The following PLCH1 variants were observed in gnomAD, a reference collection of about 807,000 sequenced individuals.
The protein encoded by PLCH1 is phospholipase C eta 1, also known as 1-phosphatidylinositol 4,5-bisphosphate phosphodiesterase eta-1.
In PLCH1, 60 loss-of-function variants were observed where a neutral mutation model predicts 126.7. The ratio of observed to expected loss-of-function variants is 0.47; its 90% CI spans 0.38 to 0.59. PLCH1 has a LOEUF of 0.59. Ranked by LOEUF, PLCH1 falls within the 20% of genes least tolerant of loss-of-function variation. The probability of loss-of-function intolerance (pLI) is 0.00; values close to 1 mark genes in which losing one functional copy is unlikely to be tolerated. For synonymous variants in PLCH1, 719 were observed against 734.9 expected (o/e 0.98, Z 0.35); for missense variants, 1,723 against 2,040.0 (o/e 0.84, Z 2.99).
chr3:155,566,655 A>G (rs1728579814), intron 7 of PLCH1, among the ~76,000 whole-genome samples: 1 of 151,788 alleles, frequency 6.6e-6, no homozygotes, highest in African/African-American at 2.4e-5. Flanking sequence ...GTTTGAAAAA[A>G]TGCTGCTAAT....
intron 21 of PLCH1, among the ~76,000 whole-genome samples, chr3:155,456,360 A>G (rs1169399377): frequency 1.3e-5 from 2 of 151,806 alleles, no homozygotes; most frequent in African/African-American, 2.4e-5. Flanking sequence ...AAATCTCATA[A>G]TGGTTTAAGA....
chr3:155,470,028 T>G (rs1713124299), intron 21 of PLCH1, among the ~76,000 whole-genome samples: 1 of 152,130 alleles, frequency 6.6e-6, no homozygotes, highest in Admixed American at 6.6e-5. Flanking sequence ...CCTCTCCTCC[T>G]CCAAAGGAAC....
At chr3:155,647,863 T>C (rs1477833373) in intron 2 of PLCH1, among the ~76,000 whole-genome samples, 3 of 152,208 alleles carry the variant, frequency 2.0e-5, no homozygotes, top group Admixed American at 2.0e-4. Flanking sequence ...CTGATCCTAA[T>C]GCATAGCTAG....
chr3:155,656,214 G>A (rs1197909252), intron 2 of PLCH1, among the ~76,000 whole-genome samples: 2 of 150,668 alleles, frequency 1.3e-5, no homozygotes, highest in Non-Finnish European at 2.9e-5. Flanking sequence ...CCAGACCAAT[G>A]TGATTTAATG....
intron 11 of PLCH1, among the ~76,000 whole-genome samples, chr3:155,516,222 C>T (rs1394569667): frequency 2.0e-5 from 3 of 152,182 alleles, no homozygotes; most frequent in African/African-American, 7.2e-5. Context: ...AAATATTCTA[C>T]CCTGGTCATC....
chr3:155,471,725 A>G (rs1431482941), intron 21 of PLCH1, among the ~76,000 whole-genome samples: 13 of 151,446 alleles, frequency 8.6e-5, no homozygotes, highest in Admixed American at 5.3e-4. Flanking sequence ...ATAACAAACT[A>G]TCTCTCAGAC....
At chr3:155,685,274 AT>A (rs1744850339) in intron 2 of PLCH1, among the ~76,000 whole-genome samples, 1 of 152,242 alleles carries the variant, frequency 6.6e-6, no homozygotes, top group Non-Finnish European at 1.5e-5. Context: ...AAGTGAGGGG[AT>A]GATGGCATGT....
At chr3:155,468,980 T>C (rs1276319062) in intron 21 of PLCH1, among the ~76,000 whole-genome samples, 2 of 152,166 alleles carry the variant, frequency 1.3e-5, no homozygotes, top group African/African-American at 4.8e-5. Context: ...TTCTTTTCCT[T>C]AGCACATGGG....
intron 2 of PLCH1, among the ~76,000 whole-genome samples, chr3:155,680,403 C>T (rs1744418516): frequency 6.6e-6 from 1 of 151,910 alleles, no homozygotes. Flanking sequence ...GTCAGTAAAG[C>T]CATAGTATCA....
chr3:155,637,411 G>A (rs899554837), intron 2 of PLCH1, among the ~76,000 whole-genome samples: 5 of 152,124 alleles, frequency 3.3e-5, no homozygotes, highest in African/African-American at 1.2e-4. Flanking sequence ...GAAAAACATG[G>A]TAGGTCCTGT....
chr3:155,571,689 G>A (rs959649468), intron 6 of PLCH1, among the ~76,000 whole-genome samples: 4 of 152,160 alleles, frequency 2.6e-5, no homozygotes, highest in Admixed American at 1.3e-4. Context: ...GTGAGCCACC[G>A]CACCCGGCCA....
chr3:155,639,550 T>C (rs1032832678), intron 2 of PLCH1, among the ~76,000 whole-genome samples: 4 of 152,198 alleles, frequency 2.6e-5, no homozygotes, highest in Non-Finnish European at 5.9e-5. Flanking sequence ...CATCTGATGT[T>C]ATAGTCATTG....
chr3:155,637,372 A>G (rs1307465331), intron 2 of PLCH1, among the ~76,000 whole-genome samples: 1 of 152,354 alleles, frequency 6.6e-6, no homozygotes, highest in Non-Finnish European at 1.5e-5. Context: ...CGAAAGTTCT[A>G]TATGACTTTG....
At chr3:155,606,703 G>A (rs1416316142) in intron 2 of PLCH1, among the ~76,000 whole-genome samples, 1 of 152,150 alleles carries the variant, frequency 6.6e-6, no homozygotes, top group East Asian at 1.9e-4. Flanking sequence ...TATTGAATGG[G>A]GGAATAGGCT....
intron 1 of PLCH1, among the ~76,000 whole-genome samples, chr3:155,718,531 C>T (rs1157823750): frequency 4.6e-5 from 7 of 152,104 alleles, no homozygotes; most frequent in Non-Finnish European, 1.0e-4. Flanking sequence ...GAAGGATGTA[C>T]AGGAAGCATG....
intron 12 of PLCH1, among the ~76,000 whole-genome samples, chr3:155,506,493 C>T: frequency 9.6e-6 from 1 of 104,148 alleles, no homozygotes; most frequent in South Asian, 4.1e-4. Flanking sequence ...CCAATGTTAT[C>T]CCTCCCCCCT....
chr3:155,469,804 C>A (rs966781555), intron 21 of PLCH1, among the ~76,000 whole-genome samples: 1 of 152,020 alleles, frequency 6.6e-6, no homozygotes, highest in African/African-American at 2.4e-5. Context: ...AGGCACCCCC[C>A]AGCAGGGGCA....
chr3:155,470,757 G>A (rs1713178997), intron 21 of PLCH1, among the ~76,000 whole-genome samples: 3 of 151,938 alleles, frequency 2.0e-5, no homozygotes, highest in Admixed American at 1.3e-4. Flanking sequence ...CCAGAAGAGA[G>A]TGGGGGCCAA....
chr3:155,693,061 C>A (rs1186358539), intron 2 of PLCH1, among the ~76,000 whole-genome samples: 1 of 151,962 alleles, frequency 6.6e-6, no homozygotes, highest in African/African-American at 2.4e-5. Context: ...GGATTACAGG[C>A]GTGCGCCCGG....
Sources: gnomAD v4.1 joint callset for allele counts (sites outside exome capture counted in the v4.1 genomes callset) on GRCh38, gnomAD v4.1.1 for gene constraint, MANE v1.5 for transcripts, NCBI Gene and HGNC (gene_info 2026-07-23, HGNC 2026-07-21) for gene names.